The following NBAS variants were observed in gnomAD, a reference collection of about 807,000 sequenced individuals.
NBAS encodes the protein NAG/BC035112 fusion.
A neutral mutation model predicts 302.5 loss-of-function variants in NBAS; 219 were observed. That is an observed-to-expected ratio of 0.72 (90% CI 0.65 to 0.81). NBAS has a LOEUF of 0.81. Ranked by LOEUF, NBAS falls within the 30% of genes least tolerant of loss-of-function variation. NBAS has a pLI of 0.00. For missense variants in NBAS, 2,932 were observed against 2,841.6 expected (o/e 1.03, Z -0.72); for synonymous variants, 1,118 against 1,021.6 (o/e 1.09, Z -1.80).
chr2:15,355,398 A>G (rs948897563), intron 33 of NBAS, among the ~76,000 whole-genome samples: 3 of 152,216 alleles, frequency 2.0e-5, no homozygotes, highest in Admixed American at 6.5e-5. Context: ...TTATTCTACA[A>G]TAAAATCTGA....
intron 47 of NBAS, among the ~76,000 whole-genome samples, chr2:15,220,974 T>C (rs1216343544): frequency 6.6e-6 from 1 of 152,250 alleles, no homozygotes; most frequent in East Asian, 1.9e-4. Context: ...AAAAGAATTA[T>C]TTGTATTTAA....
chr2:15,052,642 T>C, the NBAS span, among the ~76,000 whole-genome samples: 111 of 152,334 alleles, frequency 7.3e-4, 1 homozygote, highest in Admixed American at 6.0e-3. Context: ...AAGCACCTAA[T>C]CCAGCTAAGA....
At chr2:15,101,734 C>T in the NBAS span, among the ~76,000 whole-genome samples, 1 of 152,074 alleles carries the variant, frequency 6.6e-6, no homozygotes, top group East Asian at 1.9e-4. Flanking sequence ...GGAGTGAGTT[C>T]AGAAGAAAGG....
chr2:14,786,394 G>A, the NBAS span, among the ~76,000 whole-genome samples: 1 of 152,058 alleles, frequency 6.6e-6, no homozygotes, highest in Non-Finnish European at 1.5e-5. Flanking sequence ...TGCTTTTCCA[G>A]TTCTTTTAAT....
At chr2:15,001,732 C>T in the NBAS span, among the ~76,000 whole-genome samples, 1 of 152,072 alleles carries the variant, frequency 6.6e-6, no homozygotes, top group East Asian at 1.9e-4. Context: ...GAGTTTGTTC[C>T]TTCTGATGTT....
At chr2:15,326,963 T>A (rs530500271) in intron 38 of NBAS, among the ~76,000 whole-genome samples, 1 of 152,230 alleles carries the variant, frequency 6.6e-6, no homozygotes, top group Non-Finnish European at 1.5e-5. Context: ...GTATGCATTT[T>A]CCCAAATTTT....
At chr2:15,301,961 G>A (rs1298828758) in intron 40 of NBAS, among the ~76,000 whole-genome samples, 1 of 152,206 alleles carries the variant, frequency 6.6e-6, no homozygotes, top group Non-Finnish European at 1.5e-5. Context: ...TGGGTGGAGA[G>A]GAGGATGTCT....
intron 38 of NBAS, among the ~76,000 whole-genome samples, chr2:15,316,496 G>GA (rs1558527930): frequency 1.3e-5 from 2 of 152,118 alleles, no homozygotes. Context: ...CACTGTACCT[G>GA]AAAAAAATGG....
chr2:15,109,111 A>G, the NBAS span, among the ~76,000 whole-genome samples: 1 of 152,140 alleles, frequency 6.6e-6, no homozygotes, highest in Non-Finnish European at 1.5e-5. Context: ...GTTAAAATGC[A>G]TTAGAAGGGT....
intron 44 of NBAS, among the ~76,000 whole-genome samples, chr2:15,241,908 C>T (rs1667882971): frequency 6.6e-6 from 1 of 152,186 alleles, no homozygotes; most frequent in African/African-American, 2.4e-5. Flanking sequence ...GAACCCTAAG[C>T]TACAGCCACA....
chr2:15,456,874 A>T (rs1362794526), intron 21 of NBAS, among the ~76,000 whole-genome samples: 1 of 134,954 alleles, frequency 7.4e-6, no homozygotes, highest in Non-Finnish European at 1.6e-5. Context: ...AAGACAAATA[A>T]CCATGTAACA....
chr2:15,161,209 G>A, the NBAS span, among the ~76,000 whole-genome samples: 1 of 152,092 alleles, frequency 6.6e-6, no homozygotes, highest in Non-Finnish European at 1.5e-5. Context: ...TATAAGTGGG[G>A]GATACTATCT....
At chr2:15,271,422 G>A (rs1003549062) in intron 44 of NBAS, among the ~76,000 whole-genome samples, 6 of 152,184 alleles carry the variant, frequency 3.9e-5, no homozygotes, top group African/African-American at 1.4e-4. Flanking sequence ...CCCATTAGAA[G>A]CAGTGGTTTA....
At chr2:14,840,952 C>A in the NBAS span, among the ~76,000 whole-genome samples, 1 of 151,824 alleles carries the variant, frequency 6.6e-6, no homozygotes, top group Non-Finnish European at 1.5e-5. Context: ...ACAAATCTAC[C>A]AAAAACAATA....
chr2:14,805,395 C>A, the NBAS span, among the ~76,000 whole-genome samples: 2 of 152,042 alleles, frequency 1.3e-5, no homozygotes, highest in South Asian at 2.1e-4. Context: ...CAAGATCATG[C>A]GAGGCATTAT....
intron 48 of NBAS, among the ~76,000 whole-genome samples, chr2:15,194,352 A>T (rs1665509493): frequency 1.3e-5 from 2 of 152,186 alleles, no homozygotes; most frequent in African/African-American, 4.8e-5. Flanking sequence ...TGTGAATAAT[A>T]ATGGATTTAT....
At chr2:14,955,693 A>G in the NBAS span, among the ~76,000 whole-genome samples, 1 of 152,244 alleles carries the variant, frequency 6.6e-6, no homozygotes, top group Admixed American at 6.5e-5. Flanking sequence ...CCTCTGAAGC[A>G]ATGGCCTGAG....
At chr2:15,336,612 C>T (rs573500061) in intron 35 of NBAS, among the ~76,000 whole-genome samples, 44 of 152,174 alleles carry the variant, frequency 2.9e-4, no homozygotes, top group Non-Finnish European at 5.6e-4. Flanking sequence ...CACCACTAAT[C>T]CCAGCTACTC....
chr2:15,493,021 G>A (rs1319859677), intron 11 of NBAS, among the ~76,000 whole-genome samples: 1 of 152,268 alleles, frequency 6.6e-6, no homozygotes, highest in East Asian at 1.9e-4. Context: ...CTAGTGGGAG[G>A]TGACTGGATC....
Sources: gnomAD v4.1 joint callset for allele counts (sites outside exome capture counted in the v4.1 genomes callset) on GRCh38, gnomAD v4.1.1 for gene constraint, MANE v1.5 for transcripts, NCBI Gene and HGNC (gene_info 2026-07-23, HGNC 2026-07-21) for gene names.